The following RADIL variants were observed in gnomAD, a reference collection of about 807,000 sequenced individuals.
RADIL encodes ras-associating and dilute domain-containing protein.
RADIL carries 99 observed loss-of-function variants against 97.6 expected under a neutral mutation model. That is an observed-to-expected ratio of 1.01 (90% confidence interval 0.86 to 1.20). RADIL has a LOEUF of 1.20. Among genes scored for constraint, RADIL ranks in the 50% most tolerant of loss-of-function variants. RADIL has a pLI of 0.00. For missense variants in RADIL, 1,765 were observed against 1,498.9 expected (o/e 1.18, Z -2.93); for synonymous variants, 803 against 691.8 (o/e 1.16, Z -2.52).
chr7:4,825,686 A>G (rs532861532), intron 5 of RADIL, among the ~76,000 whole-genome samples: 28 of 151,472 alleles, frequency 1.8e-4, no homozygotes, highest in African/African-American at 6.8e-4. Context: ...GACCAGCCTG[A>G]CCAACATGGT....
Position 4,817,520 on chromosome 7 carries a change from C to T in RADIL, c.1616-169G>A, listed in dbSNP as rs915052518. On this transcript the variant is annotated intron_variant, in intron 6 of 14. Transcript: ENST00000399583. The surrounding 1 kb of genome is among the most constrained non-coding windows in gnomAD (Gnocchi z 8.3). ...GACTCTGGGCCCTGGCTGGGACGAG[C>T]GCAGCAAACCTGCCGCCACTCTTAC... 1.4e-4 allele frequency among the ~76,000 whole-genome samples: 21 copies of T among 152,240 alleles called. No homozygotes were observed. In the Middle Eastern group the frequency reaches 0.01, roughly 74 times the overall value.
rs1782663440 is a variant in RADIL, at chr7:4,815,824, A to G, written c.1967-374T>C. Among the ~76,000 whole-genome samples, 1 of 152,110 alleles carries G rather than the reference A, an allele frequency of 6.6e-6. No homozygotes were observed. Among genetic ancestry groups the G allele is most frequent in the Non-Finnish European group, 1.5e-5 (1 of 67,990 alleles). On this transcript the variant is annotated intron_variant, in intron 8 of 14. Transcript: ENST00000399583. This position sits in a 1 kb window ranked among gnomAD's most constrained non-coding sequence, Gnocchi z 8.0. ...AGTGGCCAGTGCTCCTGAGCCCTGC[A>G]GGTGATGGGGGAAGTCACTCCACAA...
At position 4,878,072 on chromosome 7, in the gene RADIL, A is replaced by G; in HGVS notation, c.68T>C (p.Leu23Pro). 1 of 1,598,336 alleles carries G rather than the reference A, an allele frequency of 6.3e-7. No homozygotes were observed. The highest frequency in any genetic ancestry group is 8.5e-7 in the Non-Finnish European group (1 of 1,173,498). The change falls in exon 2 of 15, where the codon CTG becomes CCG. Residue 23 changes from leucine (L) to proline (P), a missense_variant. Leu to Pro is a moderately conservative substitution (Grantham distance 98). Transcript: ENST00000399583. This position sits in a 1 kb window ranked among gnomAD's most constrained non-coding sequence, Gnocchi z 4.1. ...TKSKLKRQSQ[L>P]LSSMLSRTLS... ...CGTCCGGGACAGCATGCTGGACAAC[A>G]GCTGGCTCTGCCGCTTCAGTTTGCT... is the stretch of plus-strand genomic sequence containing the variant.
chr7:4,855,666 CATATT>C (rs1307995128), intron 2 of RADIL, among the ~76,000 whole-genome samples: 2 of 144,376 alleles, frequency 1.4e-5, no homozygotes, highest in Admixed American at 1.4e-4. Flanking sequence ...TCTCTGGTCT[CATATT>C]GTATTTTCCT....
At chr7:4,800,649 C>G (rs1380802437) in intron 12 of RADIL, among the ~76,000 whole-genome samples, 2 of 152,140 alleles carry the variant, frequency 1.3e-5, no homozygotes, top group Non-Finnish European at 2.9e-5. Context: ...TCCTCCTCCT[C>G]CCTCCACACC....
At chr7:4,874,373 C>A (rs924128145) in intron 2 of RADIL, among the ~76,000 whole-genome samples, 1 of 152,244 alleles carries the variant, frequency 6.6e-6, no homozygotes, top group Non-Finnish European at 1.5e-5. Context: ...CACGTGGGGA[C>A]CCCCTGGGTC....
At chr7:4,804,977 C>T (rs536246509) in intron 10 of RADIL, among the ~76,000 whole-genome samples, 2 of 152,014 alleles carry the variant, frequency 1.3e-5, no homozygotes, top group East Asian at 3.9e-4. Flanking sequence ...ACCTGTAATC[C>T]CAGCTACTAG....
chr7:4,799,703 C>G lies in RADIL; in HGVS notation c.3049G>C (p.Asp1017His). 6.4e-7 allele frequency: 1 copy of G among 1,574,000 alleles called. No individual in the cohort carries two copies. Among genetic ancestry groups the G allele is most frequent in the Non-Finnish European group, 8.6e-7 (1 of 1,161,952 alleles). ...TLLPGSPAAA[D>H]GRLSLGDRIL... is the part of the protein sequence containing the mutation. ...CGGTCCCCCAGCGACAGGCGCCCGTCGGCCGCTGCGGGGCTGCCCGGGAGC... is the reference window on the plus strand; with the variant it reads ...CGGTCCCCCAGCGACAGGCGCCCGTGGGCCGCTGCGGGGCTGCCCGGGAGC... Residue 1017 changes from aspartate to histidine, a missense_variant, in exon 14 of 15, where the codon GAC (aspartate) becomes CAC (histidine). Coordinates refer to ENST00000399583, the MANE Select transcript of RADIL (RefSeq NM_018059.5).
rs773518321 is a variant in RADIL, at chr7:4,815,045, C to T, written c.2139+233G>A. Among the ~76,000 whole-genome samples the T allele has an allele frequency of 6.6e-6, 1 of 152,182 alleles. No individual in the cohort carries two copies. The highest frequency in any genetic ancestry group is 2.1e-4 in the South Asian group (1 of 4,832). On this transcript the variant is annotated intron_variant, in intron 9 of 14. Coordinates refer to ENST00000399583, the MANE Select transcript of RADIL (RefSeq NM_018059.5). The surrounding 1 kb of genome is among the most constrained non-coding windows in gnomAD (Gnocchi z 8.0). Reference sequence around the variant, plus strand: ...GGCTTCTTTGCCATGTGGGGTAATACGGTCACAGGGTAAGACGGTCACGGG... The same window carrying T: ...GGCTTCTTTGCCATGTGGGGTAATATGGTCACAGGGTAAGACGGTCACGGG...
chr7:4,859,902 G>C (rs755985143), intron 2 of RADIL: 7 of 1,600,692 alleles, frequency 4.4e-6, no homozygotes, highest in African/African-American at 1.3e-5. Context: ...TCCAACTATA[G>C]GATTAGATAT....
At chr7:4,847,631 A>G (rs567740873) in intron 2 of RADIL, among the ~76,000 whole-genome samples, 3 of 151,676 alleles carry the variant, frequency 2.0e-5, no homozygotes, top group African/African-American at 7.3e-5. Flanking sequence ...AACAAAATCT[A>G]TCCATACGAT....
In RADIL at chr7:4,803,665, C is replaced by T. The variant is rs867779068; in HGVS notation, c.2380G>A (p.Asp794Asn). 2.2e-5 allele frequency: 34 copies of T among 1,552,934 alleles called. No homozygotes were observed. The highest frequency in any genetic ancestry group is 4.1e-5 in the African/African-American group (3 of 73,160). ...TAGAGCAGGTGCTGGTAGATGCTGT[C>T]GTCCAGGCAGTTGGCTTCCAAGTCC... ...QVDLEANCLD[D>N]SIYQHLLYVR... The change falls in exon 11 of 15, where the codon GAC (aspartate) becomes AAC (asparagine). Residue 794 changes from aspartate (D) to asparagine (N), a missense_variant. Coordinates refer to ENST00000399583, the MANE Select transcript of RADIL (RefSeq NM_018059.5).
chr7:4,807,244 C>T (rs538732591), intron 9 of RADIL, among the ~76,000 whole-genome samples: 11 of 152,012 alleles, frequency 7.2e-5, no homozygotes, highest in African/African-American at 1.9e-4. Flanking sequence ...TCTCGGGCGT[C>T]GTGCAGGAGG....
At chr7:4,845,480 C>T (rs1365970303) in intron 2 of RADIL, among the ~76,000 whole-genome samples, 1 of 152,098 alleles carries the variant, frequency 6.6e-6, no homozygotes, top group Non-Finnish European at 1.5e-5. Context: ...CATCTCTAAT[C>T]GATCAATAAA....
At chr7:4,811,493 T>A (rs1380601170) in intron 9 of RADIL, among the ~76,000 whole-genome samples, 6 of 134,312 alleles carry the variant, frequency 4.5e-5, no homozygotes, top group Admixed American at 1.5e-4. Context: ...TTTTTTTTTT[T>A]TTTTTTTTTT....
chr7:4,823,945 C>T (rs75098877), intron 5 of RADIL, among the ~76,000 whole-genome samples: 2,441 of 152,324 alleles, frequency 0.016, 53 homozygotes, highest in African/African-American at 0.055. Flanking sequence ...ATGCCTGGGA[C>T]GCCCCAGGGT....
intron 10 of RADIL, chr7:4,804,185 G>A (rs1782215072): frequency 3.6e-6 from 1 of 276,140 alleles, no homozygotes; most frequent in Admixed American, 4.1e-5. Context: ...CGGCCTGTGT[G>A]CGGGCTGCTC....
intron 2 of RADIL, among the ~76,000 whole-genome samples, chr7:4,853,341 G>GA (rs1221941628): frequency 1.3e-5 from 2 of 152,216 alleles, no homozygotes; most frequent in Non-Finnish European, 2.9e-5. Context: ...TCAAAAGGGA[G>GA]ATTATCCAGG....
At chr7:4,826,174 C>G (rs1289337068) in intron 5 of RADIL, among the ~76,000 whole-genome samples, 1 of 151,886 alleles carries the variant, frequency 6.6e-6, no homozygotes, top group Non-Finnish European at 1.5e-5. Flanking sequence ...TACCACTGCA[C>G]TCCAGCCTGG....
Sources: gnomAD v4.1 joint callset for allele counts (sites outside exome capture counted in the v4.1 genomes callset) on GRCh38, gnomAD v4.1.1 for gene constraint, Gnocchi (gnomAD v3.1) non-coding constraint, MANE v1.5 for transcripts, NCBI Gene and HGNC (gene_info 2026-07-23, HGNC 2026-07-21) for gene names.